The following CNTLN variants were observed in gnomAD, a reference collection of about 807,000 sequenced individuals.
CNTLN encodes the protein centlein, centrosomal protein.
Under a neutral mutation model 180.0 loss-of-function variants are expected in CNTLN, and 212 were observed. The observed-to-expected ratio is 1.18, with a 90% CI of 1.05 to 1.32. The LOEUF (loss-of-function observed/expected upper bound fraction) is 1.32. Ranked by LOEUF, CNTLN falls within the 40% of genes most tolerant of loss-of-function variation. The pLI is 0.00. For synonymous variants in CNTLN, 722 were observed against 563.1 expected (o/e 1.28, Z -3.99); for missense variants, 2,095 against 1,610.9 (o/e 1.30, Z -5.14).
chr9:17,209,620 T>C (rs1823150243), intron 2 of CNTLN, among the ~76,000 whole-genome samples: 1 of 152,224 alleles, frequency 6.6e-6, no homozygotes, highest in South Asian at 2.1e-4. Flanking sequence ...CCTATATAAT[T>C]ATAATTGTTA....
chr9:17,197,103 C>T (rs143348994), intron 2 of CNTLN, among the ~76,000 whole-genome samples: 20 of 152,232 alleles, frequency 1.3e-4, no homozygotes, highest in African/African-American at 3.6e-4. Context: ...CTTACACTCA[C>T]GGTACCTCAG....
chr9:17,365,933 G>A (rs942553061), intron 12 of CNTLN, among the ~76,000 whole-genome samples: 3 of 152,110 alleles, frequency 2.0e-5, no homozygotes, highest in Non-Finnish European at 4.4e-5. Flanking sequence ...GTGACAGAGT[G>A]AGACTTTGTC....
intron 2 of CNTLN, among the ~76,000 whole-genome samples, chr9:17,211,179 A>T (rs1393056668): frequency 6.6e-6 from 1 of 152,078 alleles, no homozygotes; most frequent in East Asian, 1.9e-4. Flanking sequence ...TAGGGTTTTT[A>T]TGGTTTTAGG....
the CNTLN span, among the ~76,000 whole-genome samples, chr9:17,511,178 G>C: frequency 1.4e-3 from 216 of 152,186 alleles, 1 homozygote; most frequent in African/African-American, 5.1e-3. Flanking sequence ...CTGCTTATGT[G>C]GTCTTTTTAG....
chr9:17,241,981 A>G (rs926670530), intron 5 of CNTLN, among the ~76,000 whole-genome samples: 8 of 152,188 alleles, frequency 5.3e-5, no homozygotes. Context: ...ATATAAGATT[A>G]TATCATTGGC....
intron 18 of CNTLN, among the ~76,000 whole-genome samples, chr9:17,420,423 C>T (rs921935859): frequency 6.6e-6 from 1 of 152,024 alleles, no homozygotes; most frequent in Non-Finnish European, 1.5e-5. Context: ...TGCTTTTTCA[C>T]CTCTGATATT....
At chr9:17,143,434 A>G in intron 2 of CNTLN, 58 bp downstream of exon 2, 1 of 1,236,224 alleles carries the variant, frequency 8.1e-7, no homozygotes, top group Non-Finnish European at 1.2e-6. Flanking sequence ...GTTTCTCTTC[A>G]TTATTAAAGT....
At chr9:17,335,931 C>A (rs3903397) in intron 10 of CNTLN, among the ~76,000 whole-genome samples, 83,627 of 143,022 alleles carry the variant, frequency 0.58, 25,128 homozygotes, top group East Asian at 0.72. Context: ...GTCTCAAAAA[C>A]AAAAACAAAA....
intron 16 of CNTLN, among the ~76,000 whole-genome samples, chr9:17,411,258 A>G (rs915567423): frequency 1.1e-4 from 17 of 152,130 alleles, no homozygotes; most frequent in African/African-American, 4.1e-4. Flanking sequence ...TGCCCTGGAT[A>G]AAACCCTTCT....
intron 5 of CNTLN, among the ~76,000 whole-genome samples, chr9:17,270,834 A>G (rs1488987202): frequency 5.9e-5 from 9 of 151,926 alleles, no homozygotes; most frequent in Non-Finnish European, 1.3e-4. Flanking sequence ...TTAAATTTAG[A>G]ATGTGTAATA....
intron 5 of CNTLN, among the ~76,000 whole-genome samples, chr9:17,249,949 T>A (rs1212279528): frequency 2.0e-5 from 3 of 150,198 alleles, no homozygotes; most frequent in Middle Eastern, 3.2e-3. Flanking sequence ...TCCATGTAGA[T>A]GCTTTTTCAG....
intron 12 of CNTLN, among the ~76,000 whole-genome samples, chr9:17,364,539 TA>T (rs1823651767): frequency 6.6e-6 from 1 of 152,224 alleles, no homozygotes; most frequent in African/African-American, 2.4e-5. Flanking sequence ...TTTATCTTTT[TA>T]AAAACATTTT....
chr9:17,484,530 T>G, intron 24 of CNTLN, 50 bp downstream of exon 24: 8 of 1,391,502 alleles, frequency 5.7e-6, no homozygotes, highest in Non-Finnish European at 6.8e-6. Flanking sequence ...TACACTGGAC[T>G]TAAGTAGATA....
At chr9:17,519,364 A>G in the CNTLN span, among the ~76,000 whole-genome samples, 1 of 152,064 alleles carries the variant, frequency 6.6e-6, no homozygotes, top group Non-Finnish European at 1.5e-5. Flanking sequence ...TTAATTTAAC[A>G]TGGTACTCAC....
At chr9:17,237,091 T>C (rs1054004980) in intron 5 of CNTLN, among the ~76,000 whole-genome samples, 13 of 152,082 alleles carry the variant, frequency 8.5e-5, no homozygotes, top group Non-Finnish European at 1.9e-4. Flanking sequence ...ATTTTATTTT[T>C]ATAGAAGATA....
chr9:17,309,635 C>G (rs571974975), intron 8 of CNTLN, among the ~76,000 whole-genome samples: 121 of 150,232 alleles, frequency 8.1e-4, no homozygotes, highest in African/African-American at 2.7e-3. Context: ...GTATTCGGTA[C>G]TCAGTATCCA....
chr9:17,188,772 A>G (rs1176837531), intron 2 of CNTLN, among the ~76,000 whole-genome samples: 2 of 152,006 alleles, frequency 1.3e-5, no homozygotes, highest in Non-Finnish European at 2.9e-5. Context: ...CTTTCTCTCC[A>G]TTATGTTCAT....
chr9:17,477,447 G>A (rs1265099565), intron 23 of CNTLN, among the ~76,000 whole-genome samples: 1 of 152,156 alleles, frequency 6.6e-6, no homozygotes, highest in African/African-American at 2.4e-5. Flanking sequence ...AAGTAAATGG[G>A]AAACCTTCTG....
At chr9:17,190,477 T>C (rs1001938967) in intron 2 of CNTLN, among the ~76,000 whole-genome samples, 17 of 152,108 alleles carry the variant, frequency 1.1e-4, no homozygotes, top group African/African-American at 3.9e-4. Context: ...TTTATAATTT[T>C]AACATGGCTA....
Sources: gnomAD v4.1 joint callset for allele counts (sites outside exome capture counted in the v4.1 genomes callset) on GRCh38, gnomAD v4.1.1 for gene constraint, MANE v1.5 for transcripts, NCBI Gene and HGNC (gene_info 2026-07-23, HGNC 2026-07-21) for gene names.